Variants in GALNT10 observed in about 807,000 individuals in gnomAD.
The protein encoded by GALNT10 is polypeptide N-acetylgalactosaminyltransferase 10, also known as GalNAc transferase 10.
In GALNT10, 41 loss-of-function variants were observed where a neutral mutation model predicts 75.0. That is an observed-to-expected ratio of 0.55 (90% CI 0.43 to 0.71). GALNT10 has a LOEUF of 0.71. Among genes scored for constraint, GALNT10 ranks in the 30% least tolerant of loss-of-function variants. The pLI is 0.00. For missense variants in GALNT10, 727 were observed against 818.5 expected (o/e 0.89, Z 1.36); for synonymous variants, 302 against 313.0 (o/e 0.96, Z 0.37).
intron 1 of GALNT10, among the ~76,000 whole-genome samples, chr5:154,202,003 T>C (rs1449303371): frequency 1.3e-5 from 2 of 152,056 alleles, no homozygotes; most frequent in East Asian, 3.9e-4. Context: ...CTTCCTGGCA[T>C]GTCGGGAAAC....
At chr5:154,306,843 G>T (rs1238311884) in intron 3 of GALNT10, among the ~76,000 whole-genome samples, 3 of 152,064 alleles carry the variant, frequency 2.0e-5, no homozygotes, top group Non-Finnish European at 2.9e-5. Context: ...CAGAAAATCA[G>T]CAAGGATATA....
At chr5:154,281,756 T>G (rs1754041200) in intron 1 of GALNT10, among the ~76,000 whole-genome samples, 1 of 152,226 alleles carries the variant, frequency 6.6e-6, no homozygotes, top group Non-Finnish European at 1.5e-5. Context: ...CTTCAAAGTC[T>G]GAAGGTTTGA....
At chr5:154,202,623 C>T (rs1775043360) in intron 1 of GALNT10, among the ~76,000 whole-genome samples, 1 of 152,210 alleles carries the variant, frequency 6.6e-6, no homozygotes, top group African/African-American at 2.4e-5. Context: ...GTGCTCTTAG[C>T]TACCATGTTT....
intron 4 of GALNT10, among the ~76,000 whole-genome samples, chr5:154,372,001 C>A (rs1755579910): frequency 6.6e-6 from 1 of 152,116 alleles, no homozygotes; most frequent in Non-Finnish European, 1.5e-5. Context: ...AAACAAGAGA[C>A]ATAAAGCTAA....
chr5:154,270,755 G>A (rs1046447588), intron 1 of GALNT10, among the ~76,000 whole-genome samples: 18 of 152,200 alleles, frequency 1.2e-4, no homozygotes, highest in Admixed American at 2.6e-4. Context: ...AAAACTTTGG[G>A]AGGCTGAATG....
chr5:154,318,143 C>G (rs1314681573), intron 3 of GALNT10, among the ~76,000 whole-genome samples: 2 of 152,228 alleles, frequency 1.3e-5, no homozygotes, highest in Non-Finnish European at 2.9e-5. Context: ...TGAGTCAGCT[C>G]CACCCCAGCC....
chr5:154,347,926 T>C (rs1328680100), intron 4 of GALNT10, among the ~76,000 whole-genome samples: 1 of 152,222 alleles, frequency 6.6e-6, no homozygotes, highest in Non-Finnish European at 1.5e-5. Context: ...ATTTTAAATT[T>C]AAATAGATCC....
intron 4 of GALNT10, among the ~76,000 whole-genome samples, chr5:154,331,456 A>G (rs1260297352): frequency 6.6e-6 from 1 of 152,116 alleles, no homozygotes; most frequent in African/African-American, 2.4e-5. Context: ...TGACCCAGTC[A>G]CTTCCCCTTT....
chr5:154,347,237 AG>A, intron 4 of GALNT10: 1 of 473,804 alleles, frequency 2.1e-6, no homozygotes, highest in Non-Finnish European at 4.1e-6. Context: ...ACTGAGGATT[AG>A]GAAGGTGTAA....
chr5:154,221,294 A>C (rs1752974563), intron 1 of GALNT10, among the ~76,000 whole-genome samples: 1 of 152,308 alleles, frequency 6.6e-6, no homozygotes, highest in South Asian at 2.1e-4. Flanking sequence ...TTCTCTTAAA[A>C]TAATATTTGC....
chr5:154,372,812 AG>A (rs1252676525), intron 4 of GALNT10, among the ~76,000 whole-genome samples: 1 of 152,024 alleles, frequency 6.6e-6, no homozygotes, highest in Non-Finnish European at 1.5e-5. Flanking sequence ...AAATGCTGAG[AG>A]GGGGTATGGG....
chr5:154,399,691 T>C (rs1048801342), intron 7 of GALNT10, among the ~76,000 whole-genome samples: 6 of 152,182 alleles, frequency 3.9e-5, no homozygotes, highest in African/African-American at 1.4e-4. Flanking sequence ...GAATCAGTCT[T>C]GATTCACCTC....
chr5:154,230,883 C>T (rs1193546416), intron 1 of GALNT10, among the ~76,000 whole-genome samples: 3 of 152,330 alleles, frequency 2.0e-5, no homozygotes, highest in South Asian at 2.1e-4. Context: ...CTGACCTAGA[C>T]CAGGAAGAGC....
intron 4 of GALNT10, among the ~76,000 whole-genome samples, chr5:154,374,021 GA>G (rs1755617168): frequency 6.6e-6 from 1 of 152,178 alleles, no homozygotes; most frequent in African/African-American, 2.4e-5. Context: ...ACCCAGCCAA[GA>G]AGAAGCGGTG....
At chr5:154,198,775 G>C (rs898439668) in intron 1 of GALNT10, among the ~76,000 whole-genome samples, 10 of 152,282 alleles carry the variant, frequency 6.6e-5, no homozygotes, top group Non-Finnish European at 1.2e-4. Flanking sequence ...GGTCACTCAA[G>C]GGTCTTAGCT....
At chr5:154,255,864 T>G (rs1441127010) in intron 1 of GALNT10, among the ~76,000 whole-genome samples, 1 of 105,282 alleles carries the variant, frequency 9.5e-6, no homozygotes, top group Non-Finnish European at 1.9e-5. Context: ...TCCCCTCTCC[T>G]CCTCTCCCCT....
At chr5:154,266,952 A>T (rs1753784134) in intron 1 of GALNT10, among the ~76,000 whole-genome samples, 1 of 152,154 alleles carries the variant, frequency 6.6e-6, no homozygotes. Context: ...TTTCCTGTGT[A>T]CCCATAGCTC....
intron 9 of GALNT10, among the ~76,000 whole-genome samples, chr5:154,411,608 AC>A: frequency 6.6e-6 from 1 of 152,346 alleles, no homozygotes; most frequent in Middle Eastern, 3.4e-3. Flanking sequence ...TCAAATTCAC[AC>A]AGCAGTCACA....
At chr5:154,309,371 G>A (rs1025432757) in intron 3 of GALNT10, among the ~76,000 whole-genome samples, 1 of 152,162 alleles carries the variant, frequency 6.6e-6, no homozygotes, top group East Asian at 1.9e-4. Context: ...TGACTAAGAC[G>A]GGATGCCACT....
Sources: allele counts gnomAD v4.1 joint callset (sites outside exome capture counted in the v4.1 genomes callset), GRCh38; gene constraint gnomAD v4.1.1; transcripts MANE v1.5; gene names NCBI Gene and HGNC (gene_info 2026-07-23, HGNC 2026-07-21).